APPBP2: variants seen among roughly 807,000 people sequenced by gnomAD.
APPBP2 encodes amyloid protein-binding protein 2.
APPBP2 carries 15 observed loss-of-function variants against 76.0 expected under a neutral mutation model. The observed-to-expected ratio is 0.20, with a 90% confidence interval of 0.13 to 0.30. The LOEUF is 0.30. Among genes scored for constraint, APPBP2 ranks in the 10% least tolerant of loss-of-function variants. The pLI is 1.00. For synonymous variants in APPBP2, 222 were observed against 242.2 expected (o/e 0.92, Z 0.77); for missense variants, 401 against 687.2 (o/e 0.58, Z 4.66).
chr17:60,492,444 C>T (rs2143426048), intron 3 of APPBP2, among the ~76,000 whole-genome samples: 1 of 152,332 alleles, frequency 6.6e-6, no homozygotes, highest in East Asian at 1.9e-4. Context: ...ACCACAGACA[C>T]TCGACGCCAG....
chr17:60,451,028 G>A (rs1386892034), intron 12 of APPBP2, among the ~76,000 whole-genome samples: 1 of 152,152 alleles, frequency 6.6e-6, no homozygotes, highest in African/African-American at 2.4e-5. Flanking sequence ...TTTTGATTTT[G>A]TAATAGTCCT....
At chr17:60,479,066 G>T in intron 4 of APPBP2, 82 bp downstream of exon 4, 1 of 1,336,416 alleles carries the variant, frequency 7.5e-7, no homozygotes, top group Non-Finnish European at 1.0e-6. Context: ...CTCAAATGTT[G>T]GCATATACTT....
chr17:60,450,306 C>T (rs112675129), intron 12 of APPBP2, among the ~76,000 whole-genome samples: 12,418 of 145,138 alleles, frequency 0.086, 1,694 homozygotes, highest in African/African-American at 0.29. Flanking sequence ...GGCATGGTGG[C>T]GGGCACCTGT....
chr17:60,463,997 TA>T (rs1265502133), intron 6 of APPBP2, 23 bp downstream of exon 6: 1 of 1,470,860 alleles, frequency 6.8e-7, no homozygotes, highest in Non-Finnish European at 9.3e-7. Context: ...ATAATTCATT[TA>T]ATAATTTTAA....
At chr17:60,489,822 C>G (rs908166950) in intron 3 of APPBP2, among the ~76,000 whole-genome samples, 6 of 151,678 alleles carry the variant, frequency 4.0e-5, no homozygotes, top group African/African-American at 1.2e-4. Flanking sequence ...GACCACTTGA[C>G]GTCAGGAGTT....
intron 1 of APPBP2, among the ~76,000 whole-genome samples, chr17:60,515,445 C>T (rs555814062): frequency 6.6e-6 from 1 of 152,204 alleles, no homozygotes; most frequent in South Asian, 2.1e-4. Context: ...CAAAGTATAA[C>T]ATGCATACAG....
intron 3 of APPBP2, among the ~76,000 whole-genome samples, chr17:60,484,196 G>A (rs984001210): frequency 1.3e-5 from 2 of 152,154 alleles, no homozygotes; most frequent in Non-Finnish European, 2.9e-5. Flanking sequence ...GCTTAGGATT[G>A]GCTTGGCAAT....
At chr17:60,500,629 T>C (rs968949003) in intron 1 of APPBP2, 142 bp from the exon 2 acceptor site, 8 of 671,664 alleles carry the variant, frequency 1.2e-5, no homozygotes, top group Non-Finnish European at 2.1e-5. Context: ...ATTTCTACAA[T>C]TCATATAAAA....
In APPBP2 at chr17:60,461,851, G is replaced by C; in HGVS notation, c.895C>G (p.Leu299Val). ...GACTGACAGATATTATCTACATTGA[G>C]TAAGTAGAACCCATAATCTAGCAGT... ...DTLLDYGFYL[L>V]NVDNICQSVA... The change falls in exon 8 of 13, where the codon CTC becomes GTC. Residue 299 changes from leucine to valine, a missense_variant. Leu to Val is a conservative substitution (Grantham distance 32). Transcript: ENST00000083182. The C allele has an allele frequency of 6.2e-7, 1 of 1,612,500 alleles. No homozygotes were observed. The highest frequency in any genetic ancestry group is 8.5e-7 in the Non-Finnish European group (1 of 1,179,376).
chr17:60,506,271 G>A (rs545124688), intron 1 of APPBP2, among the ~76,000 whole-genome samples: 3 of 152,286 alleles, frequency 2.0e-5, no homozygotes, highest in South Asian at 2.1e-4. Context: ...TGGGATTACC[G>A]GCCTGAGCCA....
Position 60,479,280 on chromosome 17 carries a change from A to G in APPBP2, c.380-9T>C, listed in dbSNP as rs745859963. 6.3e-7 allele frequency: 1 copy of G among 1,587,942 alleles called. No homozygotes were observed. Among genetic ancestry groups the G allele is most frequent in the Admixed American group, 2.0e-5 (1 of 51,198 alleles). ...ATCTGAAAGAAAGCCACCTAAAAAA[A>G]TAAGAAACACCAATTTTAGAAAACT... On this transcript the variant is annotated splice_polypyrimidine_tract_variant and intron_variant, in intron 3 of 12. Coordinates refer to ENST00000083182, the MANE Select transcript of APPBP2 (RefSeq NM_006380.5).
intron 1 of APPBP2, chr17:60,513,632 C>T (rs182451279): frequency 2.0e-4 from 50 of 244,542 alleles, no homozygotes; most frequent in Non-Finnish European, 2.9e-4. Flanking sequence ...GAGGCCAAAG[C>T]GGGAGGATCA....
chr17:60,449,266 T>C (rs946741324), intron 12 of APPBP2, among the ~76,000 whole-genome samples: 1 of 151,958 alleles, frequency 6.6e-6, no homozygotes, highest in Admixed American at 6.6e-5. Context: ...GGATAAATGA[T>C]TTATGAAGAA....
In APPBP2 at chr17:60,522,876, A is replaced by T. The variant is rs557115916; in HGVS notation, c.138+2918T>A. Among the ~76,000 whole-genome samples the T allele has an allele frequency of 1.1e-3, 159 of 147,506 alleles. 1 individual carries two copies. Among genetic ancestry groups the T allele is most frequent in the African/African-American group, 4.1e-3 (153 of 37,356 alleles). On this transcript the variant is annotated intron_variant, in intron 1 of 12. Coordinates refer to ENST00000083182, the MANE Select transcript of APPBP2 (RefSeq NM_006380.5). ...GTCTTCCATTCTTTTTTTTTTTTAAAAAAAAGAAAAAACATTTCATATTTT... is the reference window on the plus strand; with the variant it reads ...GTCTTCCATTCTTTTTTTTTTTTAATAAAAAGAAAAAACATTTCATATTTT...
chr17:60,450,517 C>T (rs1303498953), intron 12 of APPBP2, among the ~76,000 whole-genome samples: 1 of 151,320 alleles, frequency 6.6e-6, no homozygotes, highest in Non-Finnish European at 1.5e-5. Flanking sequence ...GCCTATAATC[C>T]CAGCACTTTG....
Position 60,456,400 on chromosome 17 carries a change from C to G in APPBP2, c.1062-19G>C. On this transcript the variant is annotated intron_variant, in intron 9 of 12. Coordinates refer to ENST00000083182, the MANE Select transcript of APPBP2 (RefSeq NM_006380.5). Reference sequence around the variant, plus strand: ...ATGAAATCTGTAATACAGATAGATACAGTCTGGCATTTCTTTTTAGTTACA... The same window carrying G: ...ATGAAATCTGTAATACAGATAGATAGAGTCTGGCATTTCTTTTTAGTTACA... 1 of 1,450,768 alleles carries G rather than the reference C, an allele frequency of 6.9e-7. No individual in the cohort carries two copies. Among genetic ancestry groups the G allele is most frequent in the South Asian group, 1.2e-5 (1 of 86,678 alleles). 89.9% of individuals were successfully genotyped at this position (1,450,768 alleles called of 1,614,324 possible).
intron 1 of APPBP2, among the ~76,000 whole-genome samples, chr17:60,515,564 T>C (rs1567942415): frequency 6.6e-6 from 1 of 152,230 alleles, no homozygotes; most frequent in South Asian, 2.1e-4. Flanking sequence ...GCTCCCCTCA[T>C]ATCTGTCCCT....
Position 60,526,019 on chromosome 17 carries a change from G to C in APPBP2, c.-88C>G. Reference sequence around the variant, plus strand: ...TAGCGAACCCCTCTGCGGCCCCGGAGGATTCGGAGGGGCGGTGGCAGCCAC... The same window carrying C: ...TAGCGAACCCCTCTGCGGCCCCGGACGATTCGGAGGGGCGGTGGCAGCCAC... On this transcript the variant is annotated 5_prime_UTR_variant, in exon 1 of 13. Coordinates refer to ENST00000083182, the MANE Select transcript of APPBP2 (RefSeq NM_006380.5). 7.4e-7 allele frequency: 1 copy of C among 1,343,326 alleles called. No individual in the cohort carries two copies. The highest frequency in any genetic ancestry group is 1.0e-6 in the Non-Finnish European group (1 of 989,682). 83.2% of individuals were successfully genotyped at this position (1,343,326 alleles called of 1,614,324 possible). A position where few individuals can be genotyped will look rare whatever the true frequency, so the allele number is the denominator to read the frequency against.
chr17:60,466,615 T>C (rs1172978954), intron 4 of APPBP2, among the ~76,000 whole-genome samples, 156 bp from the exon 5 acceptor site: 1 of 152,238 alleles, frequency 6.6e-6, no homozygotes, highest in Non-Finnish European at 1.5e-5. Flanking sequence ...GTTGACCTCA[T>C]GCCCATAAAG....
Sources: gnomAD v4.1 joint callset for allele counts (sites outside exome capture counted in the v4.1 genomes callset) on GRCh38, gnomAD v4.1.1 for gene constraint, MANE v1.5 for transcripts, NCBI Gene and HGNC (gene_info 2026-07-23, HGNC 2026-07-21) for gene names.